Variants in RANBP2 observed in about 807,000 individuals in gnomAD.
The protein encoded by RANBP2 is RAN binding protein 2, also known as E3 SUMO-protein ligase RanBP2.
RANBP2 carries 57 observed loss-of-function variants against 303.6 expected under a neutral mutation model. The observed-to-expected ratio is 0.19, with a 90% CI of 0.15 to 0.23. RANBP2 has a LOEUF of 0.23. Ranked by LOEUF, RANBP2 falls within the 10% of genes least tolerant of loss-of-function variation. The probability of loss-of-function intolerance (pLI) is 1.00; values close to 1 mark genes in which losing one functional copy is unlikely to be tolerated. For missense variants in RANBP2, 3,138 were observed against 3,780.8 expected, an observed-to-expected ratio of 0.83 and a Z score of 4.46; for synonymous variants, 1,167 against 1,301.5, an observed-to-expected ratio of 0.90 and a Z score of 2.23.
chr2:108,908,258 G>A, the RANBP2 span, among the ~76,000 whole-genome samples: 57 of 152,098 alleles, frequency 3.7e-4, no homozygotes, highest in African/African-American at 8.9e-4. Flanking sequence ...ACCTGCAGGC[G>A]TCTAAGGGGC....
the RANBP2 span, among the ~76,000 whole-genome samples, chr2:109,394,997 G>A: frequency 1.0e-4 from 16 of 152,390 alleles, no homozygotes; most frequent in East Asian, 3.1e-3. Flanking sequence ...GCCGGTGAGG[G>A]TCCTTCTGAT....
At chr2:108,871,118 T>A in the RANBP2 span, among the ~76,000 whole-genome samples, 1 of 152,014 alleles carries the variant, frequency 6.6e-6, no homozygotes, top group Admixed American at 6.6e-5. Flanking sequence ...CATGAAAAGA[T>A]GGATGAATGG....
chr2:108,861,145 A>T, the RANBP2 span, among the ~76,000 whole-genome samples: 31 of 149,830 alleles, frequency 2.1e-4, no homozygotes, highest in Admixed American at 4.6e-4. Flanking sequence ...ATTTTTTTTT[A>T]AATTTATTTC....
At chr2:109,710,508 C>T in the RANBP2 span, among the ~76,000 whole-genome samples, 2 of 152,090 alleles carry the variant, frequency 1.3e-5, no homozygotes, top group Non-Finnish European at 2.9e-5. Context: ...CAAAAGTATA[C>T]CTGGGCCAAG....
At chr2:108,921,177 C>T in the RANBP2 span, among the ~76,000 whole-genome samples, 1 of 152,108 alleles carries the variant, frequency 6.6e-6, no homozygotes, top group African/African-American at 2.4e-5. Context: ...TTGCATTGCA[C>T]AGGTGCCTAG....
At chr2:109,296,709 G>T in the RANBP2 span, among the ~76,000 whole-genome samples, 5 of 152,146 alleles carry the variant, frequency 3.3e-5, no homozygotes, top group Admixed American at 2.6e-4. Flanking sequence ...CAGAGATTCT[G>T]CAGAGTCCCC....
chr2:109,575,315 T>A, the RANBP2 span, among the ~76,000 whole-genome samples: 1 of 152,232 alleles, frequency 6.6e-6, no homozygotes, highest in Non-Finnish European at 1.5e-5. Flanking sequence ...AAAAGACATT[T>A]AAGTCAAAGT....
the RANBP2 span, among the ~76,000 whole-genome samples, chr2:109,411,046 C>G: frequency 6.6e-6 from 1 of 152,182 alleles, no homozygotes; most frequent in African/African-American, 2.4e-5. Context: ...AAAATCAAAG[C>G]AGCATCAGAG....
the RANBP2 span, among the ~76,000 whole-genome samples, chr2:109,254,965 T>TG: frequency 1.1e-4 from 17 of 152,180 alleles, no homozygotes; most frequent in Non-Finnish European, 2.9e-5. Flanking sequence ...AACACCTATG[T>TG]GGGGCTCTGT....
the RANBP2 span, among the ~76,000 whole-genome samples, chr2:109,412,451 G>A: frequency 6.6e-6 from 1 of 152,216 alleles, no homozygotes; most frequent in Non-Finnish European, 1.5e-5. Context: ...ATCTGAACAG[G>A]ACAGCAGGCA....
chr2:108,978,277 G>A, the RANBP2 span, among the ~76,000 whole-genome samples: 1 of 152,096 alleles, frequency 6.6e-6, no homozygotes, highest in Admixed American at 6.5e-5. Context: ...TGTTTCAAGG[G>A]GTTAAATACA....
At chr2:109,387,107 T>G in the RANBP2 span, among the ~76,000 whole-genome samples, 5 of 152,306 alleles carry the variant, frequency 3.3e-5, no homozygotes, top group South Asian at 1.0e-3. Flanking sequence ...AGGTGAAACG[T>G]TGTTAGCATA....
chr2:108,862,412 G>A, the RANBP2 span, among the ~76,000 whole-genome samples: 2 of 152,112 alleles, frequency 1.3e-5, no homozygotes, highest in Non-Finnish European at 2.9e-5. Context: ...AACTCCAAGT[G>A]CCTGTGACTG....
chr2:109,014,896 C>T, the RANBP2 span, among the ~76,000 whole-genome samples: 1 of 151,964 alleles, frequency 6.6e-6, no homozygotes, highest in African/African-American at 2.4e-5. Context: ...CCCAGGTGGG[C>T]GGATCACGAG....
At chr2:108,981,317 C>T in the RANBP2 span, among the ~76,000 whole-genome samples, 1 of 152,206 alleles carries the variant, frequency 6.6e-6, no homozygotes, top group Non-Finnish European at 1.5e-5. Flanking sequence ...GGTGGCTAGC[C>T]CATGCCAGTC....
At chr2:109,347,016 C>CT in the RANBP2 span, among the ~76,000 whole-genome samples, 3 of 152,136 alleles carry the variant, frequency 2.0e-5, no homozygotes, top group African/African-American at 7.2e-5. Flanking sequence ...TGTCATCATC[C>CT]TCGTGTGTGT....
At chr2:108,876,790 T>G in the RANBP2 span, among the ~76,000 whole-genome samples, 6 of 152,220 alleles carry the variant, frequency 3.9e-5, no homozygotes, top group Non-Finnish European at 7.3e-5. Flanking sequence ...TAAAAACTTT[T>G]GTTTTCAAAA....
chr2:108,748,254 C>A (rs1156816875), intron 8 of RANBP2, among the ~76,000 whole-genome samples: 1 of 150,794 alleles, frequency 6.6e-6, no homozygotes, highest in Non-Finnish European at 1.5e-5. Flanking sequence ...GTCGCCCGGG[C>A]TGGAGTGCAG....
the RANBP2 span, among the ~76,000 whole-genome samples, chr2:108,981,301 G>A: frequency 5.9e-4 from 90 of 152,210 alleles, 3 homozygotes; most frequent in South Asian, 7.7e-3. Flanking sequence ...AGCCGCACCC[G>A]CCCCAGGTGG....
Sources: allele counts gnomAD v4.1 joint callset (sites outside exome capture counted in the v4.1 genomes callset), GRCh38; gene constraint gnomAD v4.1.1; transcripts MANE v1.5; gene names NCBI Gene and HGNC (gene_info 2026-07-23, HGNC 2026-07-21).